HMGXB4: variants seen among roughly 807,000 people sequenced by gnomAD.
HMGXB4 encodes the protein HMG-box containing 4, also known as HMG domain-containing protein 4.
HMGXB4 carries 27 observed loss-of-function variants against 63.9 expected under a neutral mutation model. That is an observed-to-expected ratio of 0.42 (90% CI 0.31 to 0.58). The LOEUF is 0.58. Among genes scored for constraint, HMGXB4 ranks in the 20% least tolerant of loss-of-function variants. The probability of loss-of-function intolerance (pLI) is 0.13; values close to 1 mark genes in which losing one functional copy is unlikely to be tolerated. For synonymous variants in HMGXB4, 264 were observed against 265.3 expected (o/e 0.99, Z 0.05); for missense variants, 624 against 700.7 (o/e 0.89, Z 1.24).
At chr22:35,259,207 A>G (rs1346774636) in intron 1 of HMGXB4, among the ~76,000 whole-genome samples, 1 of 152,202 alleles carries the variant, frequency 6.6e-6, no homozygotes, top group African/African-American at 2.4e-5. Context: ...ATAAGTATAC[A>G]TTTTTATGGT....
intron 8 of HMGXB4, 136 bp downstream of exon 8, chr22:35,287,588 G>A: frequency 4.6e-6 from 3 of 648,738 alleles, no homozygotes; most frequent in East Asian, 5.5e-5. Context: ...AATGTTACAA[G>A]CTACCAAAAA....
upstream of HMGXB4, among the ~76,000 whole-genome samples, chr22:35,254,871 T>C (rs1412914087): frequency 1.3e-5 from 2 of 152,150 alleles, no homozygotes; most frequent in Non-Finnish European, 2.9e-5. Flanking sequence ...GAGCAAGAAC[T>C]TGATATGCTC....
Position 35,293,036 on chromosome 22 carries a change from C to T in HMGXB4, c.1683C>T (p.Ser561=), listed in dbSNP as rs1925022554. 3 of 1,614,218 alleles carry T rather than the reference C, an allele frequency of 1.9e-6. No homozygotes were observed. Among genetic ancestry groups the T allele is most frequent in the Non-Finnish European group, 2.5e-6 (3 of 1,180,034 alleles). Residue 561 remains serine, a synonymous_variant, in exon 10 of 11, where the codon TCC becomes TCT. Transcript: ENST00000216106. ...GCAGTTTGTCAGTGCTTCTGGATTC[C>T]ATTATCTGTGCCCTTGGCCCCTTGG... ...VSGSLSVLLD[S]IICALGPLAC...
chr22:35,245,367 T>C, the HMGXB4 span, among the ~76,000 whole-genome samples: 1 of 151,152 alleles, frequency 6.6e-6, no homozygotes, highest in African/African-American at 2.4e-5. Flanking sequence ...TTTTTTCTCT[T>C]TTTATAATAT....
rs1387286841 is a variant in HMGXB4 at position 35,294,240 on chromosome 22, G to A, written c.*589G>A. 5 of 152,324 alleles carry A rather than the reference G, an allele frequency of 3.3e-5. No homozygotes were observed. Among genetic ancestry groups the A allele is most frequent in the Non-Finnish European group, 5.9e-5 (4 of 68,052 alleles). 9.4% of individuals were successfully genotyped at this position (152,324 alleles called of 1,614,324 possible). A position where few individuals can be genotyped will look rare whatever the true frequency, so the allele number is the denominator to read the frequency against. ...GGTTCATTCCAATTCCTACTGTATA[G>A]GTGTCTGTGTCTCAAAATTTATTGT... On this transcript the variant is annotated 3_prime_UTR_variant, in exon 11 of 11. Coordinates refer to ENST00000216106, the MANE Select transcript of HMGXB4 (RefSeq NM_001003681.3).
chr22:35,288,020 C>T (rs1170955569), intron 8 of HMGXB4, among the ~76,000 whole-genome samples: 3 of 152,122 alleles, frequency 2.0e-5, no homozygotes, highest in Non-Finnish European at 4.4e-5. Flanking sequence ...TTCTCTGTCA[C>T]ATATTCTTTG....
chr22:35,269,994 A>G (rs916467695), intron 5 of HMGXB4, among the ~76,000 whole-genome samples: 18 of 149,676 alleles, frequency 1.2e-4, no homozygotes, highest in Admixed American at 5.3e-4. Context: ...AGAGAAGAAG[A>G]AAAAAAAAAG....
intron 9 of HMGXB4, among the ~76,000 whole-genome samples, chr22:35,288,841 T>G (rs1047199396): frequency 6.6e-6 from 1 of 152,028 alleles, no homozygotes; most frequent in Admixed American, 6.6e-5. Flanking sequence ...TTCAAAAAAT[T>G]TAAAAGAAAT....
chr22:35,269,846 C>G (rs1398387313), intron 5 of HMGXB4, among the ~76,000 whole-genome samples: 2 of 152,082 alleles, frequency 1.3e-5, no homozygotes, highest in Admixed American at 1.3e-4. Context: ...GGTGTGGTGA[C>G]GCATGACTGG....
chr22:35,247,354 T>G, the HMGXB4 span, among the ~76,000 whole-genome samples: 1 of 152,208 alleles, frequency 6.6e-6, no homozygotes, highest in African/African-American at 2.4e-5. Context: ...GTTCCAGCAC[T>G]CCACGAGCTA....
At chr22:35,259,799 T>A (rs1922725570) in intron 1 of HMGXB4, among the ~76,000 whole-genome samples, 1 of 152,210 alleles carries the variant, frequency 6.6e-6, no homozygotes, top group Non-Finnish European at 1.5e-5. Context: ...CATTCCTTCT[T>A]TTTTCTTCAG....
At chr22:35,259,703 C>G (rs1922716576) in intron 1 of HMGXB4, among the ~76,000 whole-genome samples, 1 of 152,218 alleles carries the variant, frequency 6.6e-6, no homozygotes, top group African/African-American at 2.4e-5. Context: ...CAAGCTGTGG[C>G]TGATACAGTC....
chr22:35,265,556 A>G lies in HMGXB4; in HGVS notation c.1168A>G (p.Lys390Glu), dbSNP rs936513972. Residue 390 changes from lysine (K) to glutamate (E), a missense_variant, in exon 5 of 11, where the codon AAA (lysine) becomes GAA (glutamate). Transcript: ENST00000216106. ...GLHTDGHSEKKKKKEEKDKER... is the reference protein window; with the variant it reads ...GLHTDGHSEKEKKKEEKDKER... ...CCACACAGATGGGCATAGTGAAAAA[A>G]AAAAGAAAAAAGAAGAGAAGGACAA... 1 of 1,592,188 alleles carries G rather than the reference A, an allele frequency of 6.3e-7. No homozygotes were observed. Among genetic ancestry groups the G allele is most frequent in the Non-Finnish European group, 8.5e-7 (1 of 1,173,442 alleles).
chr22:35,289,381 C>T (rs535285526), intron 9 of HMGXB4, among the ~76,000 whole-genome samples: 1 of 152,056 alleles, frequency 6.6e-6, no homozygotes, highest in Admixed American at 6.5e-5. Flanking sequence ...ATTGCTTGAG[C>T]CCAGGAGCTC....
intron 5 of HMGXB4, among the ~76,000 whole-genome samples, chr22:35,277,983 T>C (rs1924014529): frequency 6.6e-6 from 1 of 152,198 alleles, no homozygotes; most frequent in Non-Finnish European, 1.5e-5. Flanking sequence ...CAGAGTATTT[T>C]CACTGCCCTA....
At chr22:35,250,486 C>T in the HMGXB4 span, among the ~76,000 whole-genome samples, 1 of 152,158 alleles carries the variant, frequency 6.6e-6, no homozygotes, top group African/African-American at 2.4e-5. Flanking sequence ...AGAACTCACC[C>T]ATTACAGGAG....
chr22:35,284,646 AAC>A (rs1329865933), intron 6 of HMGXB4, among the ~76,000 whole-genome samples: 1 of 152,220 alleles, frequency 6.6e-6, no homozygotes, highest in Non-Finnish European at 1.5e-5. Flanking sequence ...GAAAGTGAAA[AAC>A]AGAATGGCTG....
Position 35,288,323 on chromosome 22 carries a change from G to A in HMGXB4, c.1554G>A (p.Glu518=). Residue 518 remains glutamate, a synonymous_variant, in exon 9 of 11, where the codon GAG becomes GAA. Transcript: ENST00000216106. ...LLPASPAKAP[E]TEPIDVAAHL... is the part of the protein sequence containing the mutation. ...CAGCCTCACCAGCCAAAGCCCCTGA[G>A]ACAGAGCCCATTGATGTTGCTGCTC... 1 of 1,613,260 alleles carries A rather than the reference G, an allele frequency of 6.2e-7. No homozygotes were observed. Among genetic ancestry groups the A allele is most frequent in the Non-Finnish European group, 8.5e-7 (1 of 1,179,486 alleles).
chr22:35,293,564 A>C (rs1925054983), intron 10 of HMGXB4, 43 bp from the exon 11 acceptor site: 1 of 1,379,370 alleles, frequency 7.2e-7, no homozygotes, highest in South Asian at 1.2e-5. Context: ...CAGGAAACCA[A>C]GGTACAGTAC....
Sources: gnomAD v4.1 joint callset for allele counts (sites outside exome capture counted in the v4.1 genomes callset) on GRCh38, gnomAD v4.1.1 for gene constraint, MANE v1.5 for transcripts, NCBI Gene and HGNC (gene_info 2026-07-23, HGNC 2026-07-21) for gene names.